The following PLAC1 variants were observed in gnomAD, a reference collection of about 807,000 sequenced individuals.
The protein encoded by PLAC1 is placenta-specific protein 1.
For synonymous variants in PLAC1, 68 were observed against 62.1 expected (o/e 1.09, Z -0.44); for missense variants, 136 against 163.2 (o/e 0.83, Z 0.91).
At chrX:134,723,467 T>C (rs1465838890) in intron 2 of PLAC1, among the ~76,000 whole-genome samples, 1 of 109,215 alleles carries the variant, frequency 9.2e-6, no homozygotes, top group East Asian at 2.9e-4. Context: ...CCACCACACC[T>C]GGCCGATTTT....
chrX:134,615,521 C>T (rs1208188078), intron 1 of PLAC1, among the ~76,000 whole-genome samples: 2 of 111,745 alleles, frequency 1.8e-5, no homozygotes, highest in Non-Finnish European at 3.8e-5. Context: ...TATTTTCCCC[C>T]AATCTGTAGG....
At chrX:134,647,046 G>A (rs2078336874) in intron 1 of PLAC1, among the ~76,000 whole-genome samples, 2 of 111,977 alleles carry the variant, frequency 1.8e-5, no homozygotes, top group Admixed American at 1.9e-4. Flanking sequence ...CAGCAAAATG[G>A]GGCCAAAGGG....
chrX:134,732,181 C>T (rs2078690757), intron 2 of PLAC1, among the ~76,000 whole-genome samples: 1 of 111,167 alleles, frequency 9.0e-6, no homozygotes, highest in South Asian at 3.8e-4. Context: ...CCCTTGTGTC[C>T]CTTCCTCCAG....
intron 2 of PLAC1, among the ~76,000 whole-genome samples, chrX:134,594,685 AG>A (rs2078054280): frequency 9.0e-6 from 1 of 110,959 alleles, no homozygotes; most frequent in African/African-American, 3.3e-5. Context: ...TGATGTCTGC[AG>A]GGTTTGTAGT....
At chrX:134,577,595 AG>A (rs1291502643) in intron 2 of PLAC1, among the ~76,000 whole-genome samples, 2 of 111,505 alleles carry the variant, frequency 1.8e-5, no homozygotes, top group African/African-American at 6.5e-5. Context: ...AGGCTGAGGC[AG>A]GAGAATCGCT....
rs186954182 is a variant in PLAC1 at position 134,674,686 on chromosome X, T to C, written n.174+58749A>G. On this transcript the variant is annotated intron_variant and non_coding_transcript_variant, in intron 2 of 2. Transcript: ENST00000466797. ...CACTTTCCTATGGGCTATGTTGGTTTCATGTAGATGTGGCCCAAGATAGAC... is the reference window on the plus strand; with the variant it reads ...CACTTTCCTATGGGCTATGTTGGTTCCATGTAGATGTGGCCCAAGATAGAC... Among the ~76,000 whole-genome samples the C allele has an allele frequency of 2.2e-4, 25 of 112,533 alleles. No individual in the cohort carries two copies. In the Admixed American group the frequency reaches 2.2e-3, roughly 10 times the overall value.
intron 2 of PLAC1, among the ~76,000 whole-genome samples, chrX:134,592,090 A>G (rs2078041459): frequency 8.9e-6 from 1 of 111,965 alleles, no homozygotes; most frequent in Non-Finnish European, 1.9e-5. Context: ...ATTATGTTAT[A>G]TAACTTGTCT....
At chrX:134,588,299 TTTA>T (rs1396334801) in intron 2 of PLAC1, among the ~76,000 whole-genome samples, 103 of 16,831 alleles carry the variant, frequency 6.1e-3, no homozygotes, top group Non-Finnish European at 0.025. Flanking sequence ...ATTTTATTTA[TTTA>T]TTTATTTATT....
chrX:134,741,997 G>C (rs1425042757), intron 1 of PLAC1, among the ~76,000 whole-genome samples: 1 of 111,833 alleles, frequency 8.9e-6, no homozygotes, highest in Admixed American at 9.5e-5. Context: ...AAAGCTGGCA[G>C]AGTGGGGATT....
At chrX:134,616,285 G>C (rs2078178794) in intron 1 of PLAC1, among the ~76,000 whole-genome samples, 1 of 111,717 alleles carries the variant, frequency 9.0e-6, no homozygotes, top group African/African-American at 3.3e-5. Context: ...CCACCTGCCT[G>C]TAATATAATT....
At chrX:134,640,458 A>T (rs2078302905) in intron 1 of PLAC1, among the ~76,000 whole-genome samples, 1 of 111,871 alleles carries the variant, frequency 8.9e-6, no homozygotes, top group Non-Finnish European at 1.9e-5. Flanking sequence ...CACCTCATCT[A>T]GCCCTTTTTC....
At chrX:134,570,570 G>A (rs995972597) in intron 2 of PLAC1, among the ~76,000 whole-genome samples, 20 of 111,507 alleles carry the variant, frequency 1.8e-4, no homozygotes, top group African/African-American at 6.2e-4. Flanking sequence ...TATCACTGTA[G>A]CCCCATTTTG....
At chrX:134,659,710 A>C (rs1419277287), upstream of PLAC1, among the ~76,000 whole-genome samples, 2 of 112,542 alleles carry the variant, frequency 1.8e-5, no homozygotes, top group African/African-American at 6.5e-5. Context: ...CTTGGCTTAT[A>C]TTATTTAGGT....
chrX:134,748,692 C>T, intron 1 of PLAC1, among the ~76,000 whole-genome samples: 1 of 112,020 alleles, frequency 8.9e-6, no homozygotes, highest in Admixed American at 9.5e-5. Flanking sequence ...ACTCAGGCAG[C>T]TTGAATTACT....
chrX:134,729,448 C>G (rs1164089225), intron 2 of PLAC1, among the ~76,000 whole-genome samples: 1 of 112,093 alleles, frequency 8.9e-6, no homozygotes, highest in African/African-American at 3.2e-5. Context: ...AAAAGTGCCA[C>G]AGCTAGTAAG....
chrX:134,717,588 T>C (rs1041373758), intron 2 of PLAC1, among the ~76,000 whole-genome samples: 8 of 112,164 alleles, frequency 7.1e-5, no homozygotes, highest in Non-Finnish European at 1.5e-4. Flanking sequence ...CAGCCACACA[T>C]GTGGGGGTGA....
intron 1 of PLAC1, among the ~76,000 whole-genome samples, chrX:134,637,139 A>C (rs960518867): frequency 1.8e-5 from 2 of 111,966 alleles, no homozygotes; most frequent in Non-Finnish European, 3.8e-5. Flanking sequence ...CTTTCCCTCA[A>C]TTTCAGGCAA....
chrX:134,605,087 T>A (rs1319641245), intron 1 of PLAC1, among the ~76,000 whole-genome samples: 2 of 111,472 alleles, frequency 1.8e-5, no homozygotes, highest in Non-Finnish European at 3.8e-5. Context: ...TGTGCTCCCC[T>A]CCTATCAGTG....
At chrX:134,651,089 C>A in intron 1 of PLAC1, 1 of 278,802 alleles carries the variant, frequency 3.6e-6, no homozygotes, top group Admixed American at 3.3e-5. Flanking sequence ...AGAAAAAGTT[C>A]AGTGAGAAGC....
Sources: allele counts gnomAD v4.1 joint callset (sites outside exome capture counted in the v4.1 genomes callset), GRCh38; gene constraint gnomAD v4.1.1; transcripts MANE v1.5; gene names NCBI Gene and HGNC (gene_info 2026-07-23, HGNC 2026-07-21).